Variants in ANXA6 observed in about 807,000 individuals in gnomAD.
ANXA6 encodes 67 kDa calelectrin.
Under a neutral mutation model 95.4 loss-of-function variants are expected in ANXA6, and 71 were observed. The observed-to-expected ratio is 0.74, with a 90% confidence interval of 0.61 to 0.91. The LOEUF (loss-of-function observed/expected upper bound fraction) is 0.91, where lower values mean the gene tolerates loss of function less well. Among genes scored for constraint, ANXA6 ranks in the 40% least tolerant of loss-of-function variants. The pLI is 0.00. For missense variants in ANXA6, 830 were observed against 876.4 expected (o/e 0.95, Z 0.67); for synonymous variants, 289 against 315.9 (o/e 0.91, Z 0.90).
At chr5:151,146,940 C>T (rs956854127) in intron 2 of ANXA6, among the ~76,000 whole-genome samples, 9 of 152,140 alleles carry the variant, frequency 5.9e-5, no homozygotes, top group Non-Finnish European at 1.5e-5. Context: ...GTACATGCCA[C>T]CTTTGTATTT....
At chr5:151,147,821 TC>T in intron 2 of ANXA6, 62 bp downstream of exon 2, 2 of 1,551,358 alleles carry the variant, frequency 1.3e-6, no homozygotes, top group Non-Finnish European at 1.8e-6. Context: ...GCCTAGTGGC[TC>T]CAGGAGGATC....
chr5:151,144,724 A>C (rs2113952859), intron 2 of ANXA6, among the ~76,000 whole-genome samples: 1 of 152,268 alleles, frequency 6.6e-6, no homozygotes, highest in East Asian at 1.9e-4. Context: ...GCCTTGATCC[A>C]AACGCTCACT....
In ANXA6 at chr5:151,131,530, C is replaced by T. The variant is rs539570394; in HGVS notation, c.737-241G>A. Among the ~76,000 whole-genome samples the T allele has an allele frequency of 4.6e-5, 7 of 152,284 alleles. No individual in the cohort carries two copies. The East Asian group carries it at 1.3e-3, about 29-fold the overall frequency. On this transcript the variant is annotated intron_variant, in intron 10 of 25. Transcript: ENST00000354546. Reference sequence around the variant, plus strand: ...TCCTTTTGAAGTCCATCACAAAGACCGCCTTTATCTTTCTAGTCCTTTTGG... The same window carrying T: ...TCCTTTTGAAGTCCATCACAAAGACTGCCTTTATCTTTCTAGTCCTTTTGG...
At chr5:151,156,934 A>G (rs992106814) in intron 1 of ANXA6, among the ~76,000 whole-genome samples, 3 of 152,170 alleles carry the variant, frequency 2.0e-5, no homozygotes, top group African/African-American at 7.2e-5. Context: ...GTCACACTGC[A>G]ACAGGGGCTG....
chr5:151,110,177 C>A (rs1341882550), intron 21 of ANXA6, among the ~76,000 whole-genome samples: 1 of 152,176 alleles, frequency 6.6e-6, no homozygotes, highest in Non-Finnish European at 1.5e-5. Flanking sequence ...TTCCATCCCT[C>A]AACCTTTCTG....
chr5:151,143,196 G>T (rs982743372), intron 2 of ANXA6, among the ~76,000 whole-genome samples: 2 of 152,072 alleles, frequency 1.3e-5, no homozygotes, highest in African/African-American at 4.8e-5. Context: ...GGAATCCAAG[G>T]CTCTTTCTAA....
At chr5:151,147,663 C>T (rs996747071) in intron 2 of ANXA6, among the ~76,000 whole-genome samples, 5 of 152,240 alleles carry the variant, frequency 3.3e-5, no homozygotes, top group African/African-American at 1.2e-4. Flanking sequence ...TAAGCCAATA[C>T]ACATCCTTTT....
At chr5:151,142,907 A>G (rs56141625) in intron 2 of ANXA6, among the ~76,000 whole-genome samples, 7,577 of 152,296 alleles carry the variant, frequency 0.05, 246 homozygotes, top group Non-Finnish European at 0.072. Flanking sequence ...GGCCCTCTGC[A>G]GGCTAGCCTG....
intron 20 of ANXA6, among the ~76,000 whole-genome samples, chr5:151,115,126 G>T (rs1307372288): frequency 2.0e-5 from 3 of 152,182 alleles, no homozygotes; most frequent in Non-Finnish European, 4.4e-5. Flanking sequence ...GCCATTAAAT[G>T]ATATCGTTGA....
chr5:151,139,636 C>G (rs1402840043), intron 3 of ANXA6, among the ~76,000 whole-genome samples, 189 bp from the exon 4 acceptor site: 3 of 152,172 alleles, frequency 2.0e-5, no homozygotes, highest in Non-Finnish European at 2.9e-5. Flanking sequence ...AAAGTGGACA[C>G]AGCACACACA....
chr5:151,103,520 G>T (rs774958727), intron 25 of ANXA6, 50 bp downstream of exon 25: 11 of 1,565,708 alleles, frequency 7.0e-6, no homozygotes, highest in Non-Finnish European at 7.8e-6. Context: ...TCTTATATTA[G>T]GGATCTGACA....
intron 10 of ANXA6, among the ~76,000 whole-genome samples, 180 bp downstream of exon 10, chr5:151,132,296 C>T (rs1242848661): frequency 3.3e-5 from 5 of 152,192 alleles, no homozygotes; most frequent in Admixed American, 6.5e-5. Flanking sequence ...CTCAAACCCC[C>T]TTCCCGTCCC....
intron 1 of ANXA6, among the ~76,000 whole-genome samples, chr5:151,153,978 G>C (rs986223483): frequency 5.1e-4 from 78 of 152,112 alleles, no homozygotes; most frequent in Admixed American, 4.8e-3. Flanking sequence ...TGGATGGTTG[G>C]GGGTAAAATG....
chr5:151,136,378 T>C (rs1177172265), intron 6 of ANXA6, 43 bp from the exon 7 acceptor site: 1 of 1,588,686 alleles, frequency 6.3e-7, no homozygotes, highest in Non-Finnish European at 8.6e-7. Flanking sequence ...CCCAGAGACC[T>C]CAGGGATCTA....
At chr5:151,140,108 C>G (rs1765785290) in intron 3 of ANXA6, 45 bp downstream of exon 3, 1 of 1,585,562 alleles carries the variant, frequency 6.3e-7, no homozygotes, top group Admixed American at 1.7e-5. Context: ...GCTGTGTCTA[C>G]TTTTGGGGGA....
intron 1 of ANXA6, among the ~76,000 whole-genome samples, chr5:151,154,295 G>GTATATATATATATATATATATATA (rs58268342): frequency 2.9e-5 from 4 of 138,936 alleles, no homozygotes; most frequent in Non-Finnish European, 6.3e-5. Flanking sequence ...GCAGTTTGCA[G>GTATATATATATATATATATATATA]TATATATATA....
chr5:151,139,298 G>A lies in ANXA6; in HGVS notation c.204+55C>T, dbSNP rs937318702. 6 of 1,303,366 alleles carry A rather than the reference G, an allele frequency of 4.6e-6. No homozygotes were observed. In the African/African-American group the frequency reaches 5.8e-5, roughly 13 times the overall value. The allele number at this position is 1,303,366 out of a possible 1,614,324, so 80.7% of individuals were successfully genotyped here. ...AAATAACCTGAACGAGCACACAGGT[G>A]AATGAAATCATTCTTCCACCCGCAC... On this transcript the variant is annotated intron_variant, in intron 4 of 25. Coordinates refer to ENST00000354546, the MANE Select transcript of ANXA6 (RefSeq NM_001155.5).
chr5:151,123,597 C>T (rs749026072), intron 15 of ANXA6, among the ~76,000 whole-genome samples: 2 of 152,192 alleles, frequency 1.3e-5, no homozygotes, highest in East Asian at 3.8e-4. Context: ...TAGCATCCTA[C>T]AGTCCCAGGC....
intron 1 of ANXA6, among the ~76,000 whole-genome samples, chr5:151,156,984 T>C (rs1766253172): frequency 6.6e-6 from 1 of 152,164 alleles, no homozygotes; most frequent in African/African-American, 2.4e-5. Flanking sequence ...TGCTGGTATA[T>C]GGGGAATTAT....
Sources: gnomAD v4.1 joint callset for allele counts (sites outside exome capture counted in the v4.1 genomes callset) on GRCh38, gnomAD v4.1.1 for gene constraint, MANE v1.5 for transcripts, NCBI Gene and HGNC (gene_info 2026-07-23, HGNC 2026-07-21) for gene names.